MMS19: variants seen among roughly 807,000 people sequenced by gnomAD.
MMS19 encodes MMS19 nucleotide excision repair protein homolog.
In MMS19, 77 loss-of-function variants were observed where a neutral mutation model predicts 129.8. The ratio of observed to expected loss-of-function variants is 0.59; its 90% CI spans 0.49 to 0.72. MMS19 has a LOEUF of 0.72. Among genes scored for constraint, MMS19 ranks in the 30% least tolerant of loss-of-function variants. The probability of loss-of-function intolerance (pLI) is 0.00; values close to 1 mark genes in which losing one functional copy is unlikely to be tolerated. For synonymous variants in MMS19, 491 were observed against 502.8 expected (o/e 0.98, Z 0.31); for missense variants, 1,168 against 1,266.3 (o/e 0.92, Z 1.18).
At chr10:97,461,718 TAAC>T (rs1328493872) in intron 22 of MMS19, 96 bp from the exon 23 acceptor site, 1 of 1,546,774 alleles carries the variant, frequency 6.5e-7, no homozygotes, top group Non-Finnish European at 8.8e-7. Flanking sequence ...GGATGAGAAC[TAAC>T]TTCTCTGGTG....
rs754597517 is a variant in MMS19, at chr10:97,458,422, C to T, written c.*270G>A. ...ATGCACTCACCCCTCAGCAGCATAT[C>T]GCCCCTTTTCTGACATATAAATGCA... On this transcript the variant is annotated 3_prime_UTR_variant, in exon 31 of 31. Transcript: ENST00000438925. The T allele has an allele frequency of 1.9e-5, 9 of 472,192 alleles. No homozygotes were observed. The highest frequency in any genetic ancestry group is 7.3e-5 in the Admixed American group (2 of 27,226). 29.3% of individuals were successfully genotyped at this position (472,192 alleles called of 1,614,324 possible).
At chr10:97,470,286 C>A in intron 9 of MMS19, 83 bp from the exon 10 acceptor site, 2 of 944,800 alleles carry the variant, frequency 2.1e-6, no homozygotes, top group South Asian at 1.4e-5. Context: ...TGCCATCAGT[C>A]CCTAAAAGCA....
intron 4 of MMS19, 63 bp from the exon 5 acceptor site, chr10:97,477,992 C>A: frequency 9.0e-7 from 1 of 1,108,912 alleles, no homozygotes; most frequent in Non-Finnish European, 1.3e-6. Context: ...CAAGACACAA[C>A]CCTACGACAG....
intron 1 of MMS19, among the ~76,000 whole-genome samples, chr10:97,486,150 A>C (rs776799114): frequency 6.6e-6 from 1 of 152,234 alleles, no homozygotes; most frequent in Non-Finnish European, 1.5e-5. Context: ...TTCAGCTATA[A>C]GAAAGAAAGA....
rs1564619755 is a variant in MMS19, at chr10:97,461,567, C to T, written c.2240G>A (p.Cys747Tyr). Residue 747 changes from cysteine (C) to tyrosine (Y), a missense_variant, in exon 23 of 31, where the codon TGC (cysteine) becomes TAC (tyrosine). By Grantham distance (194) the Cys-to-Tyr change is radical. Coordinates refer to ENST00000438925, the MANE Select transcript of MMS19 (RefSeq NM_022362.5). The stretch of plus-strand genomic sequence containing the variant: ...GGTGGAAGAAAAGGGGCAGCTGTGG[C>T]AGCAGCTCAGTTCCAAAAGCTCCCG... Reference protein sequence around the residue: ...LMRELLELSCCHSCPFSSTAA... With the variant: ...LMRELLELSCYHSCPFSSTAA... 3.1e-6 allele frequency: 5 copies of T among 1,602,082 alleles called. No homozygotes were observed. In the East Asian group the frequency reaches 1.1e-4, roughly 36 times the overall value.
rs138033647 is a variant in MMS19 at position 97,464,564 on chromosome 10, G to A, written c.1757-551C>T. Among the ~76,000 whole-genome samples the A allele has an allele frequency of 2.0e-5, 3 of 152,266 alleles. No individual in the cohort carries two copies. In the East Asian group the frequency reaches 5.8e-4, roughly 29 times the overall value. On this transcript the variant is annotated intron_variant, in intron 18 of 30. Transcript: ENST00000438925. ...TGCAGATTCTGATCAGTGAGGGCCTGAGATTCTGCACTTCTAACAAGCTCC... is the reference window on the plus strand; with the variant it reads ...TGCAGATTCTGATCAGTGAGGGCCTAAGATTCTGCACTTCTAACAAGCTCC...
chr10:97,465,148 T>C (rs1441957266), intron 18 of MMS19, among the ~76,000 whole-genome samples: 1 of 152,074 alleles, frequency 6.6e-6, no homozygotes, highest in African/African-American at 2.4e-5. Context: ...TAGCTGGGAT[T>C]ACAGGCGCCT....
rs374038089 is a variant in MMS19, at chr10:97,462,630, A to G, written c.1965T>C (p.Ala655=). The change falls in exon 20 of 31, where the codon GCT becomes GCC. Residue 655 remains alanine, a synonymous_variant. Transcript: ENST00000438925. ...RKVLLEDEVL[A]AMVSVIGTAT... ...CAGTGCCAATGACAGACACCATGGCAGCCAACACCTCATCCTCCAATAGTA... is the reference window on the plus strand; with the variant it reads ...CAGTGCCAATGACAGACACCATGGCGGCCAACACCTCATCCTCCAATAGTA... 34 of 1,613,886 alleles carry G rather than the reference A, an allele frequency of 2.1e-5. No individual in the cohort carries two copies. The Admixed American group carries it at 4.0e-4, about 19-fold the overall frequency.
At chr10:97,496,579 G>T (rs142075158) in intron 1 of MMS19, among the ~76,000 whole-genome samples, 10 of 148,242 alleles carry the variant, frequency 6.7e-5, no homozygotes, top group African/African-American at 2.5e-4. Context: ...TTCAAGATAA[G>T]ACATTCAAGA....
chr10:97,498,405 G>A lies in MMS19; in HGVS notation c.-21C>T, dbSNP rs775614082. On this transcript the variant is annotated 5_prime_UTR_variant, in exon 1 of 31. Coordinates refer to ENST00000438925, the MANE Select transcript of MMS19 (RefSeq NM_022362.5). ...GCCATAACGCGAACTAGAGACCGTG[G>A]GAGGGGATATGGGCGGTGGCTCGAG... 5.7e-6 allele frequency: 9 copies of A among 1,577,578 alleles called. No homozygotes were observed. The highest frequency in any genetic ancestry group is 6.0e-6 in the Non-Finnish European group (7 of 1,170,052).
chr10:97,463,003 G>T, intron 19 of MMS19: 1 of 270,796 alleles, frequency 3.7e-6, no homozygotes, highest in Non-Finnish European at 6.9e-6. Flanking sequence ...GAGATGCAAG[G>T]AAAAAAAAAT....
intron 3 of MMS19, chr10:97,480,403 A>G: frequency 2.3e-6 from 1 of 436,598 alleles, no homozygotes; most frequent in Non-Finnish European, 4.5e-6. Context: ...AAACCAGGCT[A>G]TAGTTTGCCT....
In MMS19 at chr10:97,459,972, T is replaced by A; in HGVS notation, c.2656+74A>T. ...TAGCTCTAAAGAAGCAAGCGGGCCC[T>A]AAATTATCTTAGGGAATGTGGCCAA... On this transcript the variant is annotated intron_variant, in intron 26 of 30. Transcript: ENST00000438925. 2.6e-6 allele frequency: 4 copies of A among 1,512,618 alleles called. No individual in the cohort carries two copies. The South Asian group carries it at 4.9e-5, about 18-fold the overall frequency. The allele number at this position is 1,512,618 out of a possible 1,614,324, so 93.7% of individuals were successfully genotyped here.
chr10:97,476,739 A>G lies in MMS19; in HGVS notation c.628T>C (p.Phe210Leu). 6.2e-7 allele frequency: 1 copy of G among 1,613,868 alleles called. No homozygotes were observed. The change falls in exon 8 of 31, where the codon TTT becomes CTT. Residue 210 changes from phenylalanine (F) to leucine (L), a missense_variant. Around this residue, in one of 3 missense-constraint regions of MMS19, gnomAD observed 329 missense variants for 328.6 expected, o/e 1.00. Coordinates refer to ENST00000438925, the MANE Select transcript of MMS19 (RefSeq NM_022362.5). ...LISRDYSLGP[F>L]VEELFEVTSC... ...GTCACTTCAAACAACTCCTCCACAA[A>G]GGGTCCTGTGGCAACAGAGAAAAAA... is the stretch of plus-strand genomic sequence containing the variant.
intron 1 of MMS19, among the ~76,000 whole-genome samples, chr10:97,486,758 A>G (rs1241134671): frequency 6.6e-6 from 1 of 151,394 alleles, no homozygotes; most frequent in Admixed American, 6.6e-5. Context: ...AAGACTCAAG[A>G]TGACAAATTT....
chr10:97,485,634 G>A (rs971275373), intron 1 of MMS19, among the ~76,000 whole-genome samples: 2 of 152,274 alleles, frequency 1.3e-5, no homozygotes, highest in Non-Finnish European at 2.9e-5. Flanking sequence ...TTTTAGTAGA[G>A]ATAGGGCTTT....
At chr10:97,460,824 T>C in intron 24 of MMS19, 73 bp from the exon 25 acceptor site, 3 of 1,537,894 alleles carry the variant, frequency 2.0e-6, no homozygotes, top group Non-Finnish European at 2.7e-6. Context: ...TAGATGTTTA[T>C]GGTTTAGGGT....
intron 12 of MMS19, among the ~76,000 whole-genome samples, 169 bp downstream of exon 12, chr10:97,468,797 C>T (rs1277400236): frequency 6.6e-6 from 1 of 152,024 alleles, no homozygotes; most frequent in South Asian, 2.1e-4. Flanking sequence ...TTAGTAGAGA[C>T]GAGGTTTCAC....
chr10:97,491,613 C>T (rs2038904377), intron 1 of MMS19, among the ~76,000 whole-genome samples: 1 of 151,062 alleles, frequency 6.6e-6, no homozygotes, highest in Non-Finnish European at 1.5e-5. Flanking sequence ...TGCAGTGAGC[C>T]GAAATCACGC....
Sources: gnomAD v4.1 joint callset for allele counts (sites outside exome capture counted in the v4.1 genomes callset) on GRCh38, gnomAD v4.1.1 for gene constraint, gnomAD v4.1.1 regional missense constraint, MANE v1.5 for transcripts, NCBI Gene and HGNC (gene_info 2026-07-23, HGNC 2026-07-21) for gene names.